Variants in FBXL2 observed in about 807,000 individuals in gnomAD.
FBXL2 encodes F-box/LRR-repeat protein 2.
A neutral mutation model predicts 69.2 loss-of-function variants in FBXL2; 38 were observed. The observed-to-expected ratio is 0.55, with a 90% CI of 0.42 to 0.72. FBXL2 has a LOEUF of 0.72. Ranked by LOEUF, FBXL2 falls within the 30% of genes least tolerant of loss-of-function variation. FBXL2 has a pLI of 0.00. For missense variants in FBXL2, 354 were observed against 520.3 expected (o/e 0.68, Z 3.11); for synonymous variants, 192 against 201.3 (o/e 0.95, Z 0.39).
intron 9 of FBXL2, 126 bp downstream of exon 9, chr3:33,374,047 C>T: frequency 2.5e-6 from 2 of 790,486 alleles, no homozygotes; most frequent in Non-Finnish European, 4.3e-6. Context: ...TGATTTCCAT[C>T]CTGTGTCCTT....
chr3:33,283,348 G>A (rs536272540), intron 1 of FBXL2, among the ~76,000 whole-genome samples: 11 of 152,256 alleles, frequency 7.2e-5, no homozygotes, highest in South Asian at 2.1e-4. Context: ...GATGGATTAC[G>A]TTTATTGATT....
intron 5 of FBXL2, among the ~76,000 whole-genome samples, chr3:33,368,279 A>G (rs776453940): frequency 2.0e-5 from 3 of 152,234 alleles, no homozygotes; most frequent in Admixed American, 6.5e-5. Flanking sequence ...TAATTTATCA[A>G]CTAATAAAAG....
At chr3:33,380,316 GGAGGCC>G (rs1471430244) in intron 13 of FBXL2, among the ~76,000 whole-genome samples, 1 of 152,190 alleles carries the variant, frequency 6.6e-6, no homozygotes, top group East Asian at 1.9e-4. Context: ...CAGCACTTTG[GGAGGCC>G]GAGGCAGGCA....
the FBXL2 span, chr3:33,416,688 A>AT: frequency 9.1e-4 from 1,106 of 1,218,356 alleles, 4 homozygotes; most frequent in African/African-American, 8.0e-3. Context: ...AGTGAAATTA[A>AT]TTTTTTTTTA....
chr3:33,313,522 T>A (rs1354441288), intron 2 of FBXL2, among the ~76,000 whole-genome samples: 2 of 152,154 alleles, frequency 1.3e-5, no homozygotes, highest in East Asian at 3.9e-4. Flanking sequence ...CATGGCTTAC[T>A]GCAACCTCAA....
At chr3:33,389,510 A>G (rs2043673961), downstream of FBXL2, 4 of 152,066 alleles carry the variant, frequency 2.6e-5, no homozygotes, top group South Asian at 8.3e-4. Context: ...AGATGGAGGG[A>G]GAGAGGGAAG....
At chr3:33,351,781 G>C (rs566284137) in intron 2 of FBXL2, among the ~76,000 whole-genome samples, 1 of 151,998 alleles carries the variant, frequency 6.6e-6, no homozygotes, top group Non-Finnish European at 1.5e-5. Context: ...TTAGTCAAGC[G>C]GTCGTATATT....
downstream of FBXL2, chr3:33,388,811 C>T (rs975776696): frequency 1.3e-5 from 2 of 152,082 alleles, no homozygotes; most frequent in Non-Finnish European, 2.9e-5. Flanking sequence ...AATAATTAAC[C>T]CCCTTTATGA....
At chr3:33,389,303 TTTGA>T (rs1257513964), downstream of FBXL2, 4 of 152,578 alleles carry the variant, frequency 2.6e-5, no homozygotes, top group Non-Finnish European at 5.9e-5. Context: ...CATTTTAGTG[TTTGA>T]TTGATAACAT....
At chr3:33,398,978 CAAA>C (rs1393272568) in intron 12 of FBXL2, among the ~76,000 whole-genome samples, 2 of 152,228 alleles carry the variant, frequency 1.3e-5, no homozygotes, top group Non-Finnish European at 2.9e-5. Flanking sequence ...TTTAAAGAGA[CAAA>C]GAAGTACACG....
At chr3:33,377,661 A>C (rs1269752421) in intron 11 of FBXL2, among the ~76,000 whole-genome samples, 2 of 152,122 alleles carry the variant, frequency 1.3e-5, no homozygotes, top group African/African-American at 4.8e-5. Context: ...TTTGTCCTGC[A>C]AACACTGACC....
rs762532299 is a variant in FBXL2 at position 33,397,018 on chromosome 3, C to G, written n.1215-6216C>G. On this transcript the variant is annotated intron_variant and non_coding_transcript_variant, in intron 12 of 12. Transcript: ENST00000463736. ...CGCGAAGAAAGGTACATTCTTATTT[C>G]AAGCAAAACAGTTCACAGTATTTTA... 40 of 1,574,628 alleles carry G rather than the reference C, an allele frequency of 2.5e-5. No individual in the cohort carries two copies. The Admixed American group carries it at 7.2e-4, about 28-fold the overall frequency.
chr3:33,402,317 TA>T, intron 12 of FBXL2, among the ~76,000 whole-genome samples: 1 of 152,278 alleles, frequency 6.6e-6, no homozygotes, highest in South Asian at 2.1e-4. Context: ...TTTCCATTTC[TA>T]AAACCACAGC....
chr3:33,285,269 G>C (rs1391187043), intron 1 of FBXL2, among the ~76,000 whole-genome samples: 1 of 152,176 alleles, frequency 6.6e-6, no homozygotes, highest in Non-Finnish European at 1.5e-5. Flanking sequence ...TTGTTTGTCT[G>C]TAAAGGATTT....
At chr3:33,318,028 T>G (rs2037861517) in intron 2 of FBXL2, among the ~76,000 whole-genome samples, 1 of 152,160 alleles carries the variant, frequency 6.6e-6, no homozygotes, top group East Asian at 1.9e-4. Context: ...GGGTTTTTTT[T>G]GTTTTTTTGA....
chr3:33,328,888 T>G (rs989334099), intron 2 of FBXL2, among the ~76,000 whole-genome samples: 1 of 151,622 alleles, frequency 6.6e-6, no homozygotes, highest in African/African-American at 2.4e-5. Flanking sequence ...TGGGATTACA[T>G]CAAGCTAAAA....
At chr3:33,380,533 G>A (rs1374833984) in intron 13 of FBXL2, among the ~76,000 whole-genome samples, 1 of 147,112 alleles carries the variant, frequency 6.8e-6, no homozygotes, top group African/African-American at 2.5e-5. Context: ...ACTCCAGCCT[G>A]GGCAACAAGA....
rs1348985993 is a variant in FBXL2, at chr3:33,364,667, C to T, written c.238C>T (p.Leu80=). The part of the protein sequence containing the change: ...ENISKRCGGF[L]RKLSLRGCIG... The stretch of plus-strand genomic sequence containing the variant: ...TATCTCGAAGCGATGCGGTGGATTC[C>T]TGAGGAAGCTCAGCTTGCGAGGCTG... Residue 80 remains leucine (L), a synonymous_variant, in exon 5 of 15, where the codon CTG becomes TTG. Coordinates refer to ENST00000484457, the MANE Select transcript of FBXL2 (RefSeq NM_012157.5). 1 of 1,614,182 alleles carries T rather than the reference C, an allele frequency of 6.2e-7. No homozygotes were observed. The highest frequency in any genetic ancestry group is 8.5e-7 in the Non-Finnish European group (1 of 1,180,036).
downstream of FBXL2, among the ~76,000 whole-genome samples, chr3:33,407,940 G>A (rs2044470517): frequency 6.6e-6 from 1 of 152,194 alleles, no homozygotes; most frequent in Non-Finnish European, 1.5e-5. Flanking sequence ...TAGATGAAGA[G>A]TCATGTCATA....
Sources: gnomAD v4.1 joint callset for allele counts (sites outside exome capture counted in the v4.1 genomes callset) on GRCh38, gnomAD v4.1.1 for gene constraint, MANE v1.5 for transcripts, NCBI Gene and HGNC (gene_info 2026-07-23, HGNC 2026-07-21) for gene names.